Variants in RPS6KC1 observed in about 807,000 individuals in gnomAD.
The protein encoded by RPS6KC1 is inactive ribosomal protein S6 kinase delta-1.
RPS6KC1 carries 54 observed loss-of-function variants against 103.8 expected under a neutral mutation model. The observed-to-expected ratio is 0.52, with a 90% confidence interval of 0.42 to 0.65. The LOEUF (loss-of-function observed/expected upper bound fraction) is 0.65. Ranked by LOEUF, RPS6KC1 falls within the 30% of genes least tolerant of loss-of-function variation. The pLI is 0.00. For synonymous variants in RPS6KC1, 439 were observed against 438.7 expected, an observed-to-expected ratio of 1.00 and a Z score of -0.01; for missense variants, 1,151 against 1,253.8, an observed-to-expected ratio of 0.92 and a Z score of 1.24.
At chr1:213,568,906 G>A in the RPS6KC1 span, among the ~76,000 whole-genome samples, 19 of 152,294 alleles carry the variant, frequency 1.2e-4, no homozygotes, top group Middle Eastern at 3.4e-3. Context: ...AAATTGTCAC[G>A]GGCCTTGCCA....
At chr1:213,428,890 G>T in the RPS6KC1 span, 1 of 157,462 alleles carries the variant, frequency 6.4e-6, no homozygotes, top group Admixed American at 6.4e-5. Flanking sequence ...GTGTCAATGT[G>T]CACATCTGGA....
chr1:213,201,039 T>C (rs1321800448), intron 8 of RPS6KC1, among the ~76,000 whole-genome samples: 1 of 152,102 alleles, frequency 6.6e-6, no homozygotes, highest in East Asian at 1.9e-4. Context: ...AATACCTGAG[T>C]GATGAAATAA....
At chr1:213,114,703 T>C (rs534193600) in intron 4 of RPS6KC1, among the ~76,000 whole-genome samples, 1 of 152,260 alleles carries the variant, frequency 6.6e-6, no homozygotes, top group South Asian at 2.1e-4. Flanking sequence ...TTGTCATAGA[T>C]AGCTTTTATT....
At chr1:213,517,816 G>A in the RPS6KC1 span, among the ~76,000 whole-genome samples, 1 of 152,200 alleles carries the variant, frequency 6.6e-6, no homozygotes, top group African/African-American at 2.4e-5. Flanking sequence ...TCTGTCTAAT[G>A]TTGACAGTGG....
intron 8 of RPS6KC1, among the ~76,000 whole-genome samples, chr1:213,224,582 T>C (rs921672931): frequency 6.6e-6 from 1 of 152,230 alleles, no homozygotes; most frequent in Non-Finnish European, 1.5e-5. Context: ...TGTTTTATCA[T>C]GAAATAAAAG....
the RPS6KC1 span, among the ~76,000 whole-genome samples, chr1:213,669,645 C>T: frequency 1.2e-4 from 19 of 152,274 alleles, no homozygotes; most frequent in African/African-American, 4.6e-4. Context: ...CTGTAAAAAA[C>T]ACAATGTCCG....
At chr1:213,194,007 G>A (rs534709171) in intron 8 of RPS6KC1, among the ~76,000 whole-genome samples, 3 of 152,212 alleles carry the variant, frequency 2.0e-5, no homozygotes, top group African/African-American at 2.4e-5. Flanking sequence ...CCAGTGCTGG[G>A]TGCATATATA....
At chr1:213,488,907 C>T in the RPS6KC1 span, among the ~76,000 whole-genome samples, 1 of 152,146 alleles carries the variant, frequency 6.6e-6, no homozygotes, top group Non-Finnish European at 1.5e-5. Flanking sequence ...AAGTGTAACA[C>T]TGGAGTGTAT....
chr1:213,134,744 A>G lies in RPS6KC1; in HGVS notation c.835+4855A>G, dbSNP rs116767255. On this transcript the variant is annotated intron_variant, in intron 6 of 14. Coordinates refer to ENST00000366960, the MANE Select transcript of RPS6KC1 (RefSeq NM_012424.6). ...TTGGCTTTGGAAATAGATAGATAAT[A>G]TGAAAAACGTAGTAAGTTTAGGTTT... is the stretch of plus-strand genomic sequence containing the variant. 9.1e-4 allele frequency among the ~76,000 whole-genome samples: 139 copies of G among 152,280 alleles called. 1 individual carries two copies. Among genetic ancestry groups the G allele is most frequent in the Middle Eastern group, 6.8e-3 (2 of 294 alleles).
rs572199648 is a variant in RPS6KC1, at chr1:213,152,578, G to A, written c.836-15280G>A. On this transcript the variant is annotated intron_variant, in intron 6 of 14. Coordinates refer to ENST00000366960, the MANE Select transcript of RPS6KC1 (RefSeq NM_012424.6). ...TCCCAGACGGGGTTGCCGCCGGGCA[G>A]AGGTGCTCCTCACATCCCAGACGGG... 4.0e-3 allele frequency among the ~76,000 whole-genome samples: 606 copies of A among 149,778 alleles called. 5 individuals carry two copies. Among genetic ancestry groups the A allele is most frequent in the African/African-American group, 0.014 (584 of 40,606 alleles).
chr1:213,807,162 T>C, the RPS6KC1 span, among the ~76,000 whole-genome samples: 1 of 152,256 alleles, frequency 6.6e-6, no homozygotes, highest in African/African-American at 2.4e-5. Flanking sequence ...GTTAGTCTGA[T>C]GGGCTTCCCT....
At chr1:213,307,758 C>T in the RPS6KC1 span, among the ~76,000 whole-genome samples, 1 of 152,164 alleles carries the variant, frequency 6.6e-6, no homozygotes, top group Admixed American at 6.5e-5. Context: ...TCCATAGGAT[C>T]TATACAGTGA....
At chr1:213,791,284 G>C in the RPS6KC1 span, among the ~76,000 whole-genome samples, 2 of 152,080 alleles carry the variant, frequency 1.3e-5, no homozygotes, top group Admixed American at 6.5e-5. Flanking sequence ...TTTTTTAAAG[G>C]GAAGTTAGGG....
At chr1:213,239,851 C>T (rs564632003) in intron 10 of RPS6KC1, among the ~76,000 whole-genome samples, 20 of 152,128 alleles carry the variant, frequency 1.3e-4, no homozygotes, top group African/African-American at 4.8e-4. Flanking sequence ...GTTTTTGGTA[C>T]TTAGCCATAA....
At chr1:213,737,260 C>T in the RPS6KC1 span, among the ~76,000 whole-genome samples, 1 of 152,340 alleles carries the variant, frequency 6.6e-6, no homozygotes, top group South Asian at 2.1e-4. Context: ...GTCTCATTCA[C>T]AGCTCTGGAC....
chr1:213,289,253 C>CAAAAAA, the RPS6KC1 span, among the ~76,000 whole-genome samples: 5 of 77,068 alleles, frequency 6.5e-5, no homozygotes, highest in Non-Finnish European at 9.2e-5. Flanking sequence ...GTTGGATGCT[C>CAAAAAA]AAAAAAAAAA....
At chr1:213,070,003 C>T (rs1163496594) in intron 1 of RPS6KC1, among the ~76,000 whole-genome samples, 1 of 152,182 alleles carries the variant, frequency 6.6e-6, no homozygotes, top group Non-Finnish European at 1.5e-5. Flanking sequence ...TCTCCTTTTC[C>T]TCTTTGCTTA....
the RPS6KC1 span, among the ~76,000 whole-genome samples, chr1:213,372,941 A>C: frequency 1.3e-5 from 2 of 152,094 alleles, no homozygotes. Context: ...TTGGCTTTAA[A>C]CTGTGGTTGT....
the RPS6KC1 span, among the ~76,000 whole-genome samples, chr1:213,670,327 C>A: frequency 0.39 from 59,248 of 152,128 alleles, 13,956 homozygotes; most frequent in South Asian, 0.7. Context: ...TTTTGGCCAG[C>A]CTGTTTTCGT....
Sources: allele counts gnomAD v4.1 joint callset (sites outside exome capture counted in the v4.1 genomes callset), GRCh38; gene constraint gnomAD v4.1.1; transcripts MANE v1.5; gene names NCBI Gene and HGNC (gene_info 2026-07-23, HGNC 2026-07-21).